UTF1: variants seen among roughly 807,000 people sequenced by gnomAD.
UTF1 encodes the protein undifferentiated embryonic cell transcription factor 1.
A neutral mutation model predicts 11.8 loss-of-function variants in UTF1; 8 were observed. That is an observed-to-expected ratio of 0.68 (90% CI 0.40 to 1.23). The LOEUF is 1.23. Among genes scored for constraint, UTF1 ranks in the 50% most tolerant of loss-of-function variants. UTF1 has a pLI of 0.01. For missense variants in UTF1, 545 were observed against 542.1 expected (o/e 1.01, Z -0.05); for synonymous variants, 344 against 271.7 (o/e 1.27, Z -2.62).
In UTF1 at chr10:133,231,381, TG is replaced by T; in HGVS notation, c.968del (p.Gly323AlafsTer37). 6.3e-7 allele frequency: 1 copy of T among 1,590,506 alleles called. No homozygotes were observed. ...GAFDQTVSLA[V>X]GFILGSAAAE... is the part of the protein sequence containing the mutation. ...TTCGACCAGACAGTGTCCCTGGCCG[TG>T]GGCTTCATTCTGGGCAGCGCGGCCG... On this transcript the variant is annotated frameshift_variant, in exon 2 of 2. Transcript: ENST00000304477. LOFTEE classifies it high-confidence loss of function.
chr10:133,230,329 C>G lies in UTF1; in HGVS notation c.41C>G (p.Pro14Arg). The G allele has an allele frequency of 1.8e-6, 2 of 1,117,772 alleles. No homozygotes were observed. Among genetic ancestry groups the G allele is most frequent in the East Asian group, 5.2e-5 (1 of 19,106 alleles). The allele number at this position is 1,117,772 out of a possible 1,614,324, so 69.2% of individuals were successfully genotyped here. A position where few individuals can be genotyped will look rare whatever the true frequency, so the allele number is the denominator to read the frequency against. ...RPRRPPPLAP[P>R]APPSPASPDP... The stretch of plus-strand genomic sequence containing the variant: ...CGCAGGCCGCCCCCGCTCGCGCCCC[C>G]CGCGCCGCCCTCGCCCGCCAGCCCC... Residue 14 changes from proline to arginine, a missense_variant, in exon 1 of 2, where the codon CCC (proline) becomes CGC (arginine). By Grantham distance (103) the Pro-to-Arg change is moderately radical (BLOSUM62 -2). This residue lies in a region of UTF1 where 129 missense variants were observed against 148.5 expected (regional missense o/e 0.87). Coordinates refer to ENST00000304477, the MANE Select transcript of UTF1 (RefSeq NM_003577.3).
In UTF1 at chr10:133,231,432, C is replaced by A. The variant is rs1400954024; in HGVS notation, c.1016C>A (p.Pro339Gln). 2.4e-5 allele frequency: 36 copies of A among 1,495,900 alleles called. No individual in the cohort carries two copies. The highest frequency in any genetic ancestry group is 2.8e-5 in the Non-Finnish European group (32 of 1,126,012). The allele number at this position is 1,495,900 out of a possible 1,614,324, so 92.7% of individuals were successfully genotyped here. The change falls in exon 2 of 2, where the codon CCG (proline) becomes CAG (glutamine). Residue 339 changes from proline to glutamine, a missense_variant. Pro to Gln is a moderately conservative substitution (Grantham distance 76). Transcript: ENST00000304477. Reference protein sequence around the residue: ...AAAERGVLRDPCQ With the variant: ...AAAERGVLRDQCQ ...GCCGAGCGAGGGGTCCTCAGGGACC[C>A]GTGCCAGTGAGTCCCGGCTGCGGCC...
chr10:133,231,219 C>T lies in UTF1; in HGVS notation c.803C>T (p.Pro268Leu), dbSNP rs772341423. 4 of 1,524,766 alleles carry T rather than the reference C, an allele frequency of 2.6e-6. No homozygotes were observed. Among genetic ancestry groups the T allele is most frequent in the African/African-American group, 1.4e-5 (1 of 71,114 alleles). The allele number at this position is 1,524,766 out of a possible 1,614,324, so 94.5% of individuals were successfully genotyped here. A position where few individuals can be genotyped will look rare whatever the true frequency, so the allele number is the denominator to read the frequency against. ...GGCCGCCCCGAGGACTGCGCGCCCCCTCCGGCCGCGCCCCCGTCGCTGAAC... is the reference window on the plus strand; with the variant it reads ...GGCCGCCCCGAGGACTGCGCGCCCCTTCCGGCCGCGCCCCCGTCGCTGAAC... ...PPGRPEDCAPPPAAPPSLNTA... is the reference protein window; with the variant it reads ...PPGRPEDCAPLPAAPPSLNTA... The change falls in exon 2 of 2, where the codon CCT becomes CTT. Residue 268 changes from proline (P) to leucine (L), a missense_variant. Around this residue, in one of 3 missense-constraint regions of UTF1, gnomAD observed 394 missense variants for 341.5 expected, o/e 1.15. Coordinates refer to ENST00000304477, the MANE Select transcript of UTF1 (RefSeq NM_003577.3).
Position 133,231,079 on chromosome 10 carries a change from G to A in UTF1, c.663G>A (p.Pro221=), listed in dbSNP as rs1335950740. 12 of 568,544 alleles carry A rather than the reference G, an allele frequency of 2.1e-5. No homozygotes were observed. Among genetic ancestry groups the A allele is most frequent in the Non-Finnish European group, 2.5e-5 (11 of 433,780 alleles). 35.2% of individuals were successfully genotyped at this position (568,544 alleles called of 1,614,324 possible). A position where few individuals can be genotyped will look rare whatever the true frequency, so the allele number is the denominator to read the frequency against. The change falls in exon 2 of 2, where the codon CCG becomes CCA. Residue 221 remains proline (P), a synonymous_variant. Transcript: ENST00000304477. The part of the protein sequence containing the change: ...SADASPAPGS[P]PAPAPTALAT... ...ACGCCTCCCCCGCCCCCGGCTCCCC[G>A]CCAGCTCCCGCCCCGACCGCCCTCG...
chr10:133,231,178 C>G lies in UTF1; in HGVS notation c.762C>G (p.Asp254Glu), dbSNP rs1345353493. Residue 254 changes from aspartate to glutamate, a missense_variant, in exon 2 of 2, where the codon GAC becomes GAG. Physicochemically the swap from Asp to Glu is conservative, Grantham distance 45. Coordinates refer to ENST00000304477, the MANE Select transcript of UTF1 (RefSeq NM_003577.3). ...CGCCGCCACCCCCGGCCCGCGAAGA[C>G]CCCGACTCGCCGCCCGGCCGCCCCG... Reference protein sequence around the residue: ...GSPPPPPAREDPDSPPGRPED... With the variant: ...GSPPPPPAREEPDSPPGRPED... The G allele has an allele frequency of 1.5e-6, 2 of 1,356,904 alleles. No homozygotes were observed. Among genetic ancestry groups the G allele is most frequent in the African/African-American group, 1.5e-5 (1 of 65,518 alleles). 84.1% of individuals were successfully genotyped at this position (1,356,904 alleles called of 1,614,324 possible).
In UTF1 at chr10:133,230,536, C is replaced by T; in HGVS notation, c.248C>T (p.Ala83Val). Residue 83 changes from alanine (A) to valine (V), a missense_variant, in exon 1 of 2, where the codon GCG (alanine) becomes GTG (valine). This residue lies in a region of UTF1 where 129 missense variants were observed against 148.5 expected (regional missense o/e 0.87). Coordinates refer to ENST00000304477, the MANE Select transcript of UTF1 (RefSeq NM_003577.3). Reference sequence around the variant, plus strand: ...CTGCTGCAACCGGCCGTGTGGCGCGCGCTGCTCCTGGACCGCCGCCAGGCC... The same window carrying T: ...CTGCTGCAACCGGCCGTGTGGCGCGTGCTGCTCCTGGACCGCCGCCAGGCC... ...GTLLQPAVWR[A>V]LLLDRRQALP... 6.9e-7 allele frequency: 1 copy of T among 1,442,020 alleles called. No individual in the cohort carries two copies. The highest frequency in any genetic ancestry group is 9.1e-7 in the Non-Finnish European group (1 of 1,100,138). 89.3% of individuals were successfully genotyped at this position (1,442,020 alleles called of 1,614,324 possible). A position where few individuals can be genotyped will look rare whatever the true frequency, so the allele number is the denominator to read the frequency against.
Position 133,231,029 on chromosome 10 carries a change from A to G in UTF1, c.613A>G (p.Ser205Gly). The change falls in exon 2 of 2, where the codon AGC becomes GGC. Residue 205 changes from serine to glycine, a missense_variant. By Grantham distance (56) the Ser-to-Gly change is moderately conservative. Transcript: ENST00000304477. ...GGACCCCACCTGGACGCTCCGCTTC[A>G]GCCCGTCCCCACCGAAGTCTGCGGA... ...DADPTWTLRF[S>G]PSPPKSADAS... 1 of 1,323,904 alleles carries G rather than the reference A, an allele frequency of 7.6e-7. No individual in the cohort carries two copies. The highest frequency in any genetic ancestry group is 9.6e-7 in the Non-Finnish European group (1 of 1,041,978). 82.0% of individuals were successfully genotyped at this position (1,323,904 alleles called of 1,614,324 possible).
rs1347523366 is a variant in UTF1 at position 133,231,067 on chromosome 10, C to T, written c.651C>T (p.Ala217=). The T allele has an allele frequency of 1.5e-6, 2 of 1,299,580 alleles. No homozygotes were observed. Among genetic ancestry groups the T allele is most frequent in the African/African-American group, 1.6e-5 (1 of 64,506 alleles). 80.5% of individuals were successfully genotyped at this position (1,299,580 alleles called of 1,614,324 possible). A position where few individuals can be genotyped will look rare whatever the true frequency, so the allele number is the denominator to read the frequency against. ...SPPKSADASP[A]PGSPPAPAPT... ...CGAAGTCTGCGGACGCCTCCCCCGC[C>T]CCCGGCTCCCCGCCAGCTCCCGCCC... Residue 217 remains alanine, a synonymous_variant, in exon 2 of 2, where the codon GCC becomes GCT. Coordinates refer to ENST00000304477, the MANE Select transcript of UTF1 (RefSeq NM_003577.3).
At position 133,231,316 on chromosome 10, in the gene UTF1, G is replaced by A. The variant is rs747299259; in HGVS notation, c.900G>A (p.Leu300=). 27 of 1,598,340 alleles carry A rather than the reference G, an allele frequency of 1.7e-5. No individual in the cohort carries two copies. Among genetic ancestry groups the A allele is most frequent in the Non-Finnish European group, 2.1e-5 (25 of 1,175,924 alleles). Residue 300 remains leucine, a synonymous_variant, in exon 2 of 2, where the codon CTG becomes CTA. Coordinates refer to ENST00000304477, the MANE Select transcript of UTF1 (RefSeq NM_003577.3). ...ANILGPLRDQ[L]LTLNQHVEQL... is the part of the protein sequence containing the mutation. ...TCCTGGGCCCGCTGCGCGACCAGCTGCTGACCTTGAACCAGCACGTGGAGC... is the reference window on the plus strand; with the variant it reads ...TCCTGGGCCCGCTGCGCGACCAGCTACTGACCTTGAACCAGCACGTGGAGC...
Position 133,230,475 on chromosome 10 carries a change from TG to T in UTF1, c.189del (p.Trp63Ter). ...CCCGGGCTCGGCGCAGCGCACGCCC[TG>T]GAGCGCCCGGGAGACGGAGCTGCTG... Reference protein sequence around the residue: ...VSPGSAQRTPWSARETELLLG... With the variant: ...VSPGSAQRTPXSARETELLLG... On this transcript the variant is annotated frameshift_variant, in exon 1 of 2. Transcript: ENST00000304477. LOFTEE classifies it high-confidence loss of function. 1.4e-6 allele frequency: 2 copies of T among 1,438,118 alleles called. No homozygotes were observed. The highest frequency in any genetic ancestry group is 1.5e-5 in the African/African-American group (1 of 67,204). The allele number at this position is 1,438,118 out of a possible 1,614,324, so 89.1% of individuals were successfully genotyped here.
Position 133,231,350 on chromosome 10 carries a change from G to A in UTF1, c.934G>A (p.Gly312Ser), listed in dbSNP as rs1024710512. The A allele has an allele frequency of 6.3e-7, 1 of 1,597,080 alleles. No homozygotes were observed. Among genetic ancestry groups the A allele is most frequent in the Non-Finnish European group, 8.5e-7 (1 of 1,176,074 alleles). The change falls in exon 2 of 2, where the codon GGC becomes AGC. Residue 312 changes from glycine (G) to serine (S), a missense_variant. This residue lies in a region of UTF1 where 394 missense variants were observed against 341.5 expected (regional missense o/e 1.15). Transcript: ENST00000304477. Reference sequence around the variant, plus strand: ...GAACCAGCACGTGGAGCAGCTGCGCGGCGCCTTCGACCAGACAGTGTCCCT... The same window carrying A: ...GAACCAGCACGTGGAGCAGCTGCGCAGCGCCTTCGACCAGACAGTGTCCCT... ...TLNQHVEQLR[G>S]AFDQTVSLAV...
chr10:133,230,368 G>C lies in UTF1; in HGVS notation c.80G>C (p.Arg27Pro), dbSNP rs1393758409. The C allele has an allele frequency of 1.3e-5, 16 of 1,212,380 alleles. No homozygotes were observed. Among genetic ancestry groups the C allele is most frequent in the Non-Finnish European group, 1.6e-5 (16 of 975,222 alleles). 75.1% of individuals were successfully genotyped at this position (1,212,380 alleles called of 1,614,324 possible). A position where few individuals can be genotyped will look rare whatever the true frequency, so the allele number is the denominator to read the frequency against. The change falls in exon 1 of 2, where the codon CGG becomes CCG. Residue 27 changes from arginine to proline, a missense_variant. Coordinates refer to ENST00000304477, the MANE Select transcript of UTF1 (RefSeq NM_003577.3). ...PSPASPDPEP[R>P]TPGDAPGTPP... ...CCCGCCAGCCCCGACCCCGAGCCGC[G>C]GACACCCGGAGACGCCCCGGGGACC...
Position 133,231,241 on chromosome 10 carries a change from G to A in UTF1, c.825G>A (p.Leu275=), listed in dbSNP as rs1021525954. ...CAPPPAAPPS[L]NTALLQTLGH... is the part of the protein sequence containing the mutation. ...CCCCTCCGGCCGCGCCCCCGTCGCT[G>A]AACACCGCCCTGCTGCAGACCCTGG... The change falls in exon 2 of 2, where the codon CTG becomes CTA. Residue 275 remains leucine (L), a synonymous_variant. Transcript: ENST00000304477. The A allele has an allele frequency of 1.3e-6, 2 of 1,553,952 alleles. No individual in the cohort carries two copies. Among genetic ancestry groups the A allele is most frequent in the Non-Finnish European group, 1.7e-6 (2 of 1,155,862 alleles).
In UTF1 at chr10:133,231,459, G is replaced by C; in HGVS notation, c.*17G>C. 3 of 1,441,478 alleles carry C rather than the reference G, an allele frequency of 2.1e-6. No individual in the cohort carries two copies. The highest frequency in any genetic ancestry group is 2.7e-6 in the Non-Finnish European group (3 of 1,099,088). 89.3% of individuals were successfully genotyped at this position (1,441,478 alleles called of 1,614,324 possible). A position where few individuals can be genotyped will look rare whatever the true frequency, so the allele number is the denominator to read the frequency against. On this transcript the variant is annotated 3_prime_UTR_variant, in exon 2 of 2. Coordinates refer to ENST00000304477, the MANE Select transcript of UTF1 (RefSeq NM_003577.3). ...TGCCAGTGAGTCCCGGCTGCGGCCAGTCTCCCCTCTCCAGGCCGAGGCCCC... is the reference window on the plus strand; with the variant it reads ...TGCCAGTGAGTCCCGGCTGCGGCCACTCTCCCCTCTCCAGGCCGAGGCCCC...
chr10:133,230,693 C>T lies in UTF1; in HGVS notation c.405C>T (p.Pro135=). ...FREAHGQPPG[P]FDEQIRKLMG... Reference sequence around the variant, plus strand: ...AGGCGCACGGCCAGCCGCCCGGGCCCTTCGACGAGCAGATCCGGAAGCTCA... The same window carrying T: ...AGGCGCACGGCCAGCCGCCCGGGCCTTTCGACGAGCAGATCCGGAAGCTCA... Residue 135 remains proline (P), a synonymous_variant, in exon 1 of 2, where the codon CCC becomes CCT. Transcript: ENST00000304477. The T allele has an allele frequency of 6.7e-7, 1 of 1,485,426 alleles. No homozygotes were observed. The highest frequency in any genetic ancestry group is 1.4e-5 in the African/African-American group (1 of 69,356). The allele number at this position is 1,485,426 out of a possible 1,614,324, so 92.0% of individuals were successfully genotyped here.
chr10:133,230,537 G>T lies in UTF1; in HGVS notation c.249G>T (p.Ala83=), dbSNP rs1287503547. The T allele has an allele frequency of 6.9e-6, 10 of 1,441,214 alleles. No individual in the cohort carries two copies. Among genetic ancestry groups the T allele is most frequent in the Non-Finnish European group, 9.1e-6 (10 of 1,099,726 alleles). The allele number at this position is 1,441,214 out of a possible 1,614,324, so 89.3% of individuals were successfully genotyped here. A position where few individuals can be genotyped will look rare whatever the true frequency, so the allele number is the denominator to read the frequency against. The change falls in exon 1 of 2, where the codon GCG becomes GCT. Residue 83 remains alanine (A), a synonymous_variant. Transcript: ENST00000304477. ...GTLLQPAVWR[A]LLLDRRQALP... is the part of the protein sequence containing the mutation. The stretch of plus-strand genomic sequence containing the variant: ...TGCTGCAACCGGCCGTGTGGCGCGC[G>T]CTGCTCCTGGACCGCCGCCAGGCCC...
rs1231479767 is a variant in UTF1, at chr10:133,231,023, C to T, written c.607C>T (p.Arg203Cys). 1.5e-6 allele frequency: 2 copies of T among 1,324,368 alleles called. No individual in the cohort carries two copies. The highest frequency in any genetic ancestry group is 1.9e-6 in the Non-Finnish European group (2 of 1,040,962). The allele number at this position is 1,324,368 out of a possible 1,614,324, so 82.0% of individuals were successfully genotyped here. Residue 203 changes from arginine (R) to cysteine (C), a missense_variant, in exon 2 of 2, where the codon CGC becomes TGC. Coordinates refer to ENST00000304477, the MANE Select transcript of UTF1 (RefSeq NM_003577.3). ...DRDADPTWTL[R>C]FSPSPPKSAD... ...CGACGCGGACCCCACCTGGACGCTC[C>T]GCTTCAGCCCGTCCCCACCGAAGTC...
chr10:133,231,554 CTA>C lies in UTF1; in HGVS notation c.*113_*114del. 3.1e-6 allele frequency: 3 copies of C among 982,236 alleles called. No individual in the cohort carries two copies. The highest frequency in any genetic ancestry group is 4.3e-6 in the Non-Finnish European group (3 of 701,150). The allele number at this position is 982,236 out of a possible 1,614,324, so 60.8% of individuals were successfully genotyped here. A position where few individuals can be genotyped will look rare whatever the true frequency, so the allele number is the denominator to read the frequency against. On this transcript the variant is annotated 3_prime_UTR_variant, in exon 2 of 2. Transcript: ENST00000304477. ...TATGTTCAATAAAAGGATTGTTTTCCTAGAGTCCGGGCTGTGTAGGAGTGCGG... is the reference window on the plus strand; with the variant it reads ...TATGTTCAATAAAAGGATTGTTTTCCGAGTCCGGGCTGTGTAGGAGTGCGG...
chr10:133,230,623 C>T lies in UTF1; in HGVS notation c.335C>T (p.Ala112Val). The change falls in exon 1 of 2, where the codon GCG becomes GTG. Residue 112 changes from alanine (A) to valine (V), a missense_variant. Ala to Val is a moderately conservative substitution (Grantham distance 64). This residue lies in a region of UTF1 where 22 missense variants were observed against 52.1 expected (regional missense o/e 0.42). Transcript: ENST00000304477. The stretch of plus-strand genomic sequence containing the variant: ...CAGCAGCAGGTGCGCCGCACCCCCG[C>T]GCAGTGCCGCCGCCGCTACAAGTTC... ...LAQQQVRRTP[A>V]QCRRRYKFLK... The T allele has an allele frequency of 6.9e-7, 1 of 1,451,178 alleles. No individual in the cohort carries two copies. Among genetic ancestry groups the T allele is most frequent in the Non-Finnish European group, 9.0e-7 (1 of 1,107,698 alleles). The allele number at this position is 1,451,178 out of a possible 1,614,324, so 89.9% of individuals were successfully genotyped here.
Sources: allele counts gnomAD v4.1 joint callset, GRCh38; gene constraint gnomAD v4.1.1; regional missense constraint gnomAD v4.1.1; transcripts MANE v1.5; gene names NCBI Gene and HGNC (gene_info 2026-07-23, HGNC 2026-07-21).